Variants in PLEKHB1 observed in about 807,000 individuals in gnomAD.
PLEKHB1 encodes pleckstrin homology domain-containing family B member 1.
PLEKHB1 carries 29 observed loss-of-function variants against 36.2 expected under a neutral mutation model. The observed-to-expected ratio is 0.80, with a 90% CI of 0.60 to 1.09. PLEKHB1 has a LOEUF of 1.09. Among genes scored for constraint, PLEKHB1 ranks in the 50% least tolerant of loss-of-function variants. The pLI is 0.00. For synonymous variants in PLEKHB1, 138 were observed against 140.0 expected (o/e 0.99, Z 0.10); for missense variants, 330 against 348.2 (o/e 0.95, Z 0.42).
intron 5 of PLEKHB1, among the ~76,000 whole-genome samples, chr11:73,655,167 GT>G (rs1345435098): frequency 6.6e-6 from 1 of 152,150 alleles, no homozygotes; most frequent in Non-Finnish European, 1.5e-5. Context: ...TCCATCTCCT[GT>G]GGCTCTGCTG....
intron 6 of PLEKHB1, among the ~76,000 whole-genome samples, chr11:73,656,812 A>T (rs533351646): frequency 9.1e-4 from 138 of 152,326 alleles, no homozygotes; most frequent in African/African-American, 3.1e-3. Context: ...CCACCTCTGG[A>T]TGTTTTAATC....
chr11:73,651,927 G>A (rs754198610), intron 4 of PLEKHB1, 37 bp downstream of exon 4: 27 of 1,585,098 alleles, frequency 1.7e-5, no homozygotes, highest in Middle Eastern at 1.7e-4. Flanking sequence ...GTGGAATCTC[G>A]GGGAAAGTTA....
chr11:73,651,997 G>A, intron 4 of PLEKHB1, 107 bp downstream of exon 4: 1 of 986,584 alleles, frequency 1.0e-6, no homozygotes. Flanking sequence ...AGGGCACTAA[G>A]GCCAGTCAGC....
chr11:73,658,586 C>T (rs528710569), intron 6 of PLEKHB1, among the ~76,000 whole-genome samples: 1 of 152,188 alleles, frequency 6.6e-6, no homozygotes, highest in South Asian at 2.1e-4. Context: ...ACAAGGGCAA[C>T]AACCTGCTTT....
At chr11:73,654,938 C>T (rs995212727) in intron 5 of PLEKHB1, among the ~76,000 whole-genome samples, 1 of 152,176 alleles carries the variant, frequency 6.6e-6, no homozygotes, top group African/African-American at 2.4e-5. Context: ...CAGACTCAGG[C>T]TTCCAAGTGG....
chr11:73,652,911 G>A (rs1439035229), intron 4 of PLEKHB1, 64 bp from the exon 5 acceptor site: 3 of 1,414,536 alleles, frequency 2.1e-6, no homozygotes, highest in Non-Finnish European at 2.0e-6. Flanking sequence ...AGTCTAAAAT[G>A]TGGGGGCCCA....
At chr11:73,648,608 A>C in intron 1 of PLEKHB1, 2 of 995,822 alleles carry the variant, frequency 2.0e-6, no homozygotes, top group Non-Finnish European at 2.4e-6. Context: ...TAAGAGTCTC[A>C]TGCTCCACCG....
intron 2 of PLEKHB1, among the ~76,000 whole-genome samples, chr11:73,650,196 CAG>C (rs1306769146): frequency 1.3e-5 from 2 of 152,148 alleles, no homozygotes; most frequent in African/African-American, 2.4e-5. Context: ...GCCTGAGTGA[CAG>C]AGCAAGACCC....
chr11:73,651,532 C>T (rs970292327), intron 3 of PLEKHB1: 31 of 634,342 alleles, frequency 4.9e-5, no homozygotes, highest in African/African-American at 4.7e-4. Flanking sequence ...CAAATCTCCA[C>T]ATTCCTCCAC....
At chr11:73,653,689 C>T (rs112381177) in intron 5 of PLEKHB1, among the ~76,000 whole-genome samples, 3 of 151,898 alleles carry the variant, frequency 2.0e-5, no homozygotes, top group Non-Finnish European at 2.9e-5. Context: ...GTAAAGGGCA[C>T]GGCATTCCAG....
At chr11:73,648,753 T>G in intron 1 of PLEKHB1, 1 of 1,241,882 alleles carries the variant, frequency 8.1e-7, no homozygotes, top group South Asian at 1.9e-5. Flanking sequence ...ATGGCCAAAG[T>G]TACCAAGCTG....
At chr11:73,660,913 A>G (rs754038280) in intron 7 of PLEKHB1, 61 bp downstream of exon 7, 44 of 1,457,706 alleles carry the variant, frequency 3.0e-5, no homozygotes, top group African/African-American at 2.3e-4. Flanking sequence ...CGCCAGGCCC[A>G]GCCCACGGTC....
chr11:73,655,250 C>T (rs1944968986), intron 5 of PLEKHB1, among the ~76,000 whole-genome samples: 1 of 152,190 alleles, frequency 6.6e-6, no homozygotes, highest in African/African-American at 2.4e-5. Flanking sequence ...TGTGCCCGGG[C>T]TTACTAGAGT....
At chr11:73,650,487 T>C in intron 2 of PLEKHB1, 66 bp from the exon 3 acceptor site, 1 of 1,506,220 alleles carries the variant, frequency 6.6e-7, no homozygotes, top group Non-Finnish European at 8.9e-7. Flanking sequence ...TGGGAGTCTG[T>C]CTGGGGCTTC....
At chr11:73,648,955 G>T (rs1049348097) in intron 1 of PLEKHB1, 57 bp from the exon 2 acceptor site, 29 of 1,550,328 alleles carry the variant, frequency 1.9e-5, no homozygotes, top group African/African-American at 4.1e-5. Flanking sequence ...CAGGGCTGGG[G>T]GCTTCTCTCC....
chr11:73,648,822 G>C, intron 1 of PLEKHB1, 190 bp from the exon 2 acceptor site: 1 of 1,341,454 alleles, frequency 7.5e-7, no homozygotes, highest in South Asian at 1.6e-5. Flanking sequence ...CTGCCCTGCT[G>C]ACCCCACAGT....
chr11:73,652,985 A>T lies in PLEKHB1; in HGVS notation c.361A>T (p.Thr121Ser). 6.2e-7 allele frequency: 1 copy of T among 1,610,210 alleles called. No individual in the cohort carries two copies. The highest frequency in any genetic ancestry group is 8.5e-7 in the Non-Finnish European group (1 of 1,177,418). Reference sequence around the variant, plus strand: ...GGATTTGCTTTGCAGAGCATGGAAGACAGCACTGCTGGAGGCAAACTCCAC... The same window carrying T: ...GGATTTGCTTTGCAGAGCATGGAAGTCAGCACTGCTGGAGGCAAACTCCAC... ...ETKDDALAWKTALLEANSTPA... is the reference protein window; with the variant it reads ...ETKDDALAWKSALLEANSTPA... The change falls in exon 5 of 8, where the codon ACA (threonine) becomes TCA (serine). Residue 121 changes from threonine to serine, a missense_variant. Physicochemically the swap from Thr to Ser is moderately conservative, Grantham distance 58. Coordinates refer to ENST00000354190, the MANE Select transcript of PLEKHB1 (RefSeq NM_021200.3).
intron 6 of PLEKHB1, 76 bp downstream of exon 6, chr11:73,655,983 C>A: frequency 1.6e-6 from 2 of 1,250,650 alleles, no homozygotes; most frequent in Non-Finnish European, 1.2e-6. Flanking sequence ...CCAGTCCATC[C>A]CTTCCCTGTG....
intron 3 of PLEKHB1, 186 bp from the exon 4 acceptor site, chr11:73,651,601 GC>G (rs1439480001): frequency 2.1e-5 from 14 of 667,656 alleles, no homozygotes; most frequent in Admixed American, 4.3e-5. Flanking sequence ...GGAAGCCTCA[GC>G]ATGGAAAGGT....
Sources: gnomAD v4.1 joint callset for allele counts (sites outside exome capture counted in the v4.1 genomes callset) on GRCh38, gnomAD v4.1.1 for gene constraint, MANE v1.5 for transcripts, NCBI Gene and HGNC (gene_info 2026-07-23, HGNC 2026-07-21) for gene names.